Variants in TUBA1C observed in about 807,000 individuals in gnomAD.
The protein encoded by TUBA1C is tubulin alpha 1c, also known as tubulin alpha-1C chain.
TUBA1C carries 16 observed loss-of-function variants against 34.9 expected under a neutral mutation model. That is an observed-to-expected ratio of 0.46 (90% confidence interval 0.31 to 0.70). The LOEUF is 0.70. TUBA1C is among the 30% of genes least tolerant of loss of function. TUBA1C has a pLI of 0.05. For synonymous variants in TUBA1C, 177 were observed against 215.9 expected, an observed-to-expected ratio of 0.82 and a Z score of 1.58; for missense variants, 329 against 587.3, an observed-to-expected ratio of 0.56 and a Z score of 4.55.
At chr12:49,267,016 C>T (rs970717392) in intron 1 of TUBA1C, among the ~76,000 whole-genome samples, 4 of 152,116 alleles carry the variant, frequency 2.6e-5, no homozygotes, top group African/African-American at 9.7e-5. Flanking sequence ...TAGGTGAACA[C>T]TGGTTAAATT....
chr12:49,245,418 T>G (rs1435559891), intron 1 of TUBA1C, among the ~76,000 whole-genome samples: 2 of 152,018 alleles, frequency 1.3e-5, no homozygotes, highest in Admixed American at 6.6e-5. Context: ...CTGGGCAACA[T>G]AGTGAGACTC....
upstream of TUBA1C, among the ~76,000 whole-genome samples, chr12:49,263,445 T>C (rs1377924394): frequency 6.6e-6 from 1 of 152,090 alleles, no homozygotes; most frequent in Non-Finnish European, 1.5e-5. Flanking sequence ...GCTAAATATA[T>C]CTGGGGAATG....
chr12:49,254,178 G>GCA, intron 1 of TUBA1C, among the ~76,000 whole-genome samples: 1 of 152,270 alleles, frequency 6.6e-6, no homozygotes, highest in African/African-American at 2.4e-5. Flanking sequence ...GGGCGTGGTG[G>GCA]CGCATGCCTG....
chr12:49,264,818 T>G (rs1328918852), upstream of TUBA1C: 4 of 93,624 alleles, frequency 4.3e-5, no homozygotes, highest in South Asian at 4.2e-4. Context: ...CTTCCTCCCC[T>G]TCCTCCCCTT....
chr12:49,260,924 G>A (rs1018213473), upstream of TUBA1C, among the ~76,000 whole-genome samples: 1 of 151,976 alleles, frequency 6.6e-6, no homozygotes, highest in Admixed American at 6.6e-5. Context: ...ATAGAGACAG[G>A]GTTTCGCCAT....
In TUBA1C at chr12:49,273,324, T is replaced by C. The variant is rs1943021823; in HGVS notation, c.*97T>C. On this transcript the variant is annotated 3_prime_UTR_variant, in exon 4 of 4. Coordinates refer to ENST00000301072, the MANE Select transcript of TUBA1C (RefSeq NM_032704.5). ...GTAAATTGTTAATAAAATTGAAGTT[T>C]CCATTTTAAATGTCGAGCTGACTTA... 2 of 1,603,108 alleles carry C rather than the reference T, an allele frequency of 1.2e-6. No homozygotes were observed. Among genetic ancestry groups the C allele is most frequent in the Non-Finnish European group, 1.7e-6 (2 of 1,173,366 alleles).
chr12:49,257,147 C>G (rs1942792964), intron 1 of TUBA1C, among the ~76,000 whole-genome samples: 1 of 140,650 alleles, frequency 7.1e-6, no homozygotes, highest in South Asian at 2.3e-4. Context: ...GCCACTCCAT[C>G]TCAAAAAAAA....
Position 49,228,762 on chromosome 12 carries a change from G to C in TUBA1C, c.213+596G>C, listed in dbSNP as rs569962737. Reference sequence around the variant, plus strand: ...AAGTGGGAGGGAGAGAATGGGAAGAGAGTAGGCGCTAACACAATCTGCAAT... The same window carrying C: ...AAGTGGGAGGGAGAGAATGGGAAGACAGTAGGCGCTAACACAATCTGCAAT... On this transcript the variant is annotated intron_variant, in intron 1 of 3. Coordinates refer to the TUBA1C transcript ENST00000541364. Among the ~76,000 whole-genome samples the C allele has an allele frequency of 3.3e-5, 5 of 152,310 alleles. No homozygotes were observed. In the East Asian group the frequency reaches 9.6e-4, roughly 29 times the overall value.
chr12:49,263,307 C>T (rs182085710), upstream of TUBA1C, among the ~76,000 whole-genome samples: 9 of 152,038 alleles, frequency 5.9e-5, no homozygotes, highest in Non-Finnish European at 1.2e-4. Context: ...TGAGCCACTG[C>T]GCCAGGCCTG....
chr12:49,266,223 A>C (rs1184275687), intron 1 of TUBA1C, among the ~76,000 whole-genome samples: 1 of 148,306 alleles, frequency 6.7e-6, no homozygotes, highest in African/African-American at 2.5e-5. Flanking sequence ...CAGGAAATCG[A>C]GACCATCCTG....
upstream of TUBA1C, among the ~76,000 whole-genome samples, chr12:49,263,103 A>G (rs932521656): frequency 1.4e-4 from 20 of 143,612 alleles, no homozygotes; most frequent in African/African-American, 5.3e-4. Flanking sequence ...TGCTCACTGC[A>G]ACCTCCACCT....
intron 1 of TUBA1C, among the ~76,000 whole-genome samples, chr12:49,268,398 C>T (rs1405407018): frequency 6.6e-6 from 1 of 150,910 alleles, no homozygotes; most frequent in Non-Finnish European, 1.5e-5. Context: ...TGTGCTCTAC[C>T]ATAATTTTTT....
At chr12:49,260,314 G>A (rs529235556), upstream of TUBA1C, among the ~76,000 whole-genome samples, 397 of 152,268 alleles carry the variant, frequency 2.6e-3, 1 homozygote, top group Non-Finnish European at 4.7e-3. Context: ...CGGTTCAGTT[G>A]TTTCAGTTAG....
At chr12:49,246,310 G>T (rs1471861121) in intron 1 of TUBA1C, among the ~76,000 whole-genome samples, 1 of 151,946 alleles carries the variant, frequency 6.6e-6, no homozygotes, top group African/African-American at 2.4e-5. Context: ...CCTGACCCTG[G>T]GGCAGCCTGC....
rs766578756 is a variant in TUBA1C at position 49,269,512 on chromosome 12, C to T, written c.51C>T (p.Gly17=). ...TTGGCCAGGCTGGTGTCCAGATTGG[C>T]AATGCCTGCTGGGAGCTCTACTGCC... The part of the protein sequence containing the change: ...IHVGQAGVQI[G]NACWELYCLE... The change falls in exon 2 of 4, where the codon GGC becomes GGT. Residue 17 remains glycine (G), a synonymous_variant. Transcript: ENST00000301072. 92 of 1,614,096 alleles carry T rather than the reference C, an allele frequency of 5.7e-5. No individual in the cohort carries two copies. The South Asian group carries it at 6.9e-4, about 12-fold the overall frequency.
In TUBA1C at chr12:49,273,427, C is replaced by A; in HGVS notation, c.*200C>A. On this transcript the variant is annotated 3_prime_UTR_variant, in exon 4 of 4. Coordinates refer to ENST00000301072, the MANE Select transcript of TUBA1C (RefSeq NM_032704.5). ...TGAGTCGAGGGTCTTGCTCTGTCAC[C>A]CAGGCTGGAGTGCAGTGGCATGATA... 1.1e-6 allele frequency: 1 copy of A among 939,534 alleles called. No individual in the cohort carries two copies. Among genetic ancestry groups the A allele is most frequent in the Non-Finnish European group, 1.6e-6 (1 of 629,702 alleles). The allele number at this position is 939,534 out of a possible 1,614,324, so 58.2% of individuals were successfully genotyped here.
rs748763426 is a variant in TUBA1C at position 49,272,395 on chromosome 12, C to T, written c.518C>T (p.Pro173Leu). ...KKSKLEFSIY[P>L]APQVSTAVVE... ...TCCAAGCTGGAGTTCTCCATTTACC[C>T]GGCGCCCCAGGTTTCCACAGCTGTA... The change falls in exon 4 of 4, where the codon CCG becomes CTG. Residue 173 changes from proline (P) to leucine (L), a missense_variant. Coordinates refer to ENST00000301072, the MANE Select transcript of TUBA1C (RefSeq NM_032704.5). 1.5e-5 allele frequency: 25 copies of T among 1,613,926 alleles called. No individual in the cohort carries two copies. Among genetic ancestry groups the T allele is most frequent in the Non-Finnish European group, 2.0e-5 (24 of 1,180,024 alleles).
At chr12:49,243,552 G>A (rs1434333819) in intron 1 of TUBA1C, among the ~76,000 whole-genome samples, 3 of 152,220 alleles carry the variant, frequency 2.0e-5, no homozygotes, top group Admixed American at 1.3e-4. Flanking sequence ...TGGGAACATC[G>A]CACATAGCAT....
At chr12:49,267,149 T>C (rs1369528623) in intron 1 of TUBA1C, among the ~76,000 whole-genome samples, 3 of 152,222 alleles carry the variant, frequency 2.0e-5, no homozygotes, top group Non-Finnish European at 4.4e-5. Flanking sequence ...CAGTGGCCGC[T>C]GACTGCCTGC....
Sources: gnomAD v4.1 joint callset for allele counts (sites outside exome capture counted in the v4.1 genomes callset) on GRCh38, gnomAD v4.1.1 for gene constraint, MANE v1.5 for transcripts, NCBI Gene and HGNC (gene_info 2026-07-23, HGNC 2026-07-21) for gene names.